Variants in IL12RB1 observed in about 807,000 individuals in gnomAD.
IL12RB1 encodes the protein interleukin 12 receptor subunit beta 1.
In IL12RB1, 64 loss-of-function variants were observed where a neutral mutation model predicts 94.4. The observed-to-expected ratio is 0.68, with a 90% CI of 0.55 to 0.83. IL12RB1 has a LOEUF of 0.83. Ranked by LOEUF, IL12RB1 falls within the 40% of genes least tolerant of loss-of-function variation. IL12RB1 has a pLI of 0.00. For missense variants in IL12RB1, 814 were observed against 855.6 expected (o/e 0.95, Z 0.61); for synonymous variants, 362 against 355.5 (o/e 1.02, Z -0.21).
chr19:18,073,788 T>G (rs2035249340), intron 7 of IL12RB1, among the ~76,000 whole-genome samples, 189 bp from the exon 8 acceptor site: 1 of 152,232 alleles, frequency 6.6e-6, no homozygotes, highest in Non-Finnish European at 1.5e-5. Flanking sequence ...AACTGCCACC[T>G]GTAATCTCAT....
chr19:18,079,262 C>G (rs996624945), intron 4 of IL12RB1, among the ~76,000 whole-genome samples: 1 of 151,872 alleles, frequency 6.6e-6, no homozygotes, highest in Non-Finnish European at 1.5e-5. Flanking sequence ...CGCCACCACA[C>G]TCGGCTAATT....
intron 9 of IL12RB1, chr19:18,070,534 T>C: frequency 1.0e-6 from 1 of 985,430 alleles, no homozygotes; most frequent in Non-Finnish European, 1.2e-6. Context: ...TTCATGAATG[T>C]CAGAGAGATG....
chr19:18,077,708 A>G (rs1417516622), intron 4 of IL12RB1, 53 bp from the exon 5 acceptor site: 1 of 1,186,162 alleles, frequency 8.4e-7, no homozygotes, highest in East Asian at 2.3e-5. Context: ...ATGTGAGTTA[A>G]TGGGCCCTGA....
intron 4 of IL12RB1, among the ~76,000 whole-genome samples, chr19:18,079,496 C>A (rs1448564057): frequency 6.6e-6 from 1 of 152,102 alleles, no homozygotes; most frequent in Non-Finnish European, 1.5e-5. Flanking sequence ...ATTTGTGCTG[C>A]GTAACTACAA....
chr19:18,093,562 C>G (rs1195697691), intron 1 of IL12RB1, among the ~76,000 whole-genome samples: 1 of 152,066 alleles, frequency 6.6e-6, no homozygotes, highest in Non-Finnish European at 1.5e-5. Flanking sequence ...ACATGCCCAA[C>G]CCAACCCTGG....
In IL12RB1 at chr19:18,066,010, G is replaced by A. The variant is rs187377388; in HGVS notation, c.1483+532C>T. 5.4e-5 allele frequency among the ~76,000 whole-genome samples: 8 copies of A among 149,110 alleles called. No individual in the cohort carries two copies. In the East Asian group the frequency reaches 1.6e-3, roughly 29 times the overall value. Reference sequence around the variant, plus strand: ...GCTATGATGGCACCACTGCACTCCAGCCTGGGCACAGAGTGAGTCCCTGTC... The same window carrying A: ...GCTATGATGGCACCACTGCACTCCAACCTGGGCACAGAGTGAGTCCCTGTC... On this transcript the variant is annotated intron_variant, in intron 12 of 16. Transcript: ENST00000593993.
At chr19:18,074,956 G>A (rs1328670286) in intron 7 of IL12RB1, among the ~76,000 whole-genome samples, 3 of 151,826 alleles carry the variant, frequency 2.0e-5, no homozygotes, top group Admixed American at 2.0e-4. Flanking sequence ...GGAGGCTGAG[G>A]CAGGACAATG....
chr19:18,097,806 G>A lies in IL12RB1; in HGVS notation c.-230+949C>T, dbSNP rs1261071718. 9 of 1,225,130 alleles carry A rather than the reference G, an allele frequency of 7.3e-6. No homozygotes were observed. The highest frequency in any genetic ancestry group is 4.1e-5 in the South Asian group (1 of 24,356). 75.9% of individuals were successfully genotyped at this position (1,225,130 alleles called of 1,614,324 possible). On this transcript the variant is annotated intron_variant, in intron 1 of 4. Transcript: ENST00000594176. ...GACTCCCGGGCCATGGACGAGTCGA[G>A]CCTCCTGCGGCGCCGCGGGCTCCAG...
At chr19:18,079,703 A>C (rs2035743116) in intron 4 of IL12RB1, among the ~76,000 whole-genome samples, 1 of 151,704 alleles carries the variant, frequency 6.6e-6, no homozygotes, top group Non-Finnish European at 1.5e-5. Context: ...AGGTCAGGAG[A>C]TCGAGACCAC....
intron 1 of IL12RB1, among the ~76,000 whole-genome samples, 156 bp from the exon 2 acceptor site, chr19:18,083,647 G>A (rs1274660986): frequency 8.2e-6 from 1 of 121,608 alleles, no homozygotes; most frequent in African/African-American, 3.2e-5. Context: ...CCATCCATCT[G>A]CCCATGTATT....
In IL12RB1 at chr19:18,075,885, C is replaced by T. The variant is rs370354493; in HGVS notation, c.581-17G>A. On this transcript the variant is annotated splice_polypyrimidine_tract_variant and intron_variant, in intron 6 of 16. Transcript: ENST00000593993. ...GGCAGGACTCTGGGGAGAGGCAGGTCGAACATCAGGCCGTAAGAATTGTCC... is the reference window on the plus strand; with the variant it reads ...GGCAGGACTCTGGGGAGAGGCAGGTTGAACATCAGGCCGTAAGAATTGTCC... 1.7e-4 allele frequency: 269 copies of T among 1,612,072 alleles called. No homozygotes were observed. The highest frequency in any genetic ancestry group is 8.0e-5 in the African/African-American group (6 of 74,858).
At chr19:18,066,103 T>A (rs906393202) in intron 12 of IL12RB1, among the ~76,000 whole-genome samples, 14 of 151,438 alleles carry the variant, frequency 9.2e-5, no homozygotes, top group African/African-American at 2.9e-4. Context: ...TTTTGTTTGT[T>A]TGTTTTCGTT....
At position 18,063,876 on chromosome 19, in the gene IL12RB1, C is replaced by T. The variant is rs754721392; in HGVS notation, c.1618G>A (p.Glu540Lys). 51 of 1,612,796 alleles carry T rather than the reference C, an allele frequency of 3.2e-5. No homozygotes were observed. The highest frequency in any genetic ancestry group is 5.3e-5 in the African/African-American group (4 of 74,898). ...VWSQPQRFSI[E>K]VQVSDWLIFF... ...ACTGGGTCCTACCCCCTCCACTCAC[C>T]GATGCTGAAGCGCTGGGGCTGGCTC... is the stretch of plus-strand genomic sequence containing the variant. Residue 540 changes from glutamate to lysine, a missense_variant and splice_region_variant, in exon 13 of 17, where the codon GAA (glutamate) becomes AAA (lysine). Transcript: ENST00000593993.
At chr19:18,088,036 T>C (rs2036451440), upstream of IL12RB1, among the ~76,000 whole-genome samples, 2 of 152,000 alleles carry the variant, frequency 1.3e-5, no homozygotes. Context: ...GGAGGATCAC[T>C]TGACCCCAGG....
chr19:18,085,647 C>T (rs2146484399), intron 1 of IL12RB1, among the ~76,000 whole-genome samples: 1 of 152,068 alleles, frequency 6.6e-6, no homozygotes, highest in South Asian at 2.1e-4. Flanking sequence ...TCTTGCTCTG[C>T]CACACAGGCT....
Position 18,073,612 on chromosome 19 carries a change from C to T in IL12RB1, c.701-13G>A. Reference sequence around the variant, plus strand: ...TGTGGGGGGTTTTCTGCAATCAGAACCAAACCAACTAGACGAATTGGAAGG... The same window carrying T: ...TGTGGGGGGTTTTCTGCAATCAGAATCAAACCAACTAGACGAATTGGAAGG... On this transcript the variant is annotated splice_polypyrimidine_tract_variant and intron_variant, in intron 7 of 16. Coordinates refer to ENST00000593993, the MANE Select transcript of IL12RB1 (RefSeq NM_005535.3). 1 of 1,547,024 alleles carries T rather than the reference C, an allele frequency of 6.5e-7. No homozygotes were observed. The highest frequency in any genetic ancestry group is 8.9e-7 in the Non-Finnish European group (1 of 1,119,684).
Position 18,082,212 on chromosome 19 carries a change from A to C in IL12RB1, c.177T>G (p.Arg59=), listed in dbSNP as rs1380875061. Residue 59 remains arginine (R), a synonymous_variant, in exon 3 of 17, where the codon CGT becomes CGG. Transcript: ENST00000593993. ...CCTCATACTGCCAGGAGCACTCGTA[A>C]CGATCACTGGATATCCGATAGCATC... The part of the protein sequence containing the change: ...DLRCYRISSD[R]YECSWQYEGP... 6.2e-7 allele frequency: 1 copy of C among 1,613,974 alleles called. No homozygotes were observed. The highest frequency in any genetic ancestry group is 8.5e-7 in the Non-Finnish European group (1 of 1,179,906).
intron 1 of IL12RB1, among the ~76,000 whole-genome samples, chr19:18,085,345 A>T (rs974567159): frequency 3.1e-5 from 1 of 32,154 alleles, no homozygotes; most frequent in Non-Finnish European, 6.2e-5. Context: ...CCACCCACCC[A>T]CCCACCCCTG....
rs771250186 is a variant in IL12RB1, at chr19:18,073,520, C to T, written c.780G>A (p.Glu260=). The T allele has an allele frequency of 3.0e-5, 48 of 1,601,582 alleles. No homozygotes were observed. The highest frequency in any genetic ancestry group is 3.9e-5 in the Non-Finnish European group (45 of 1,168,632). Residue 260 remains glutamate, a synonymous_variant, in exon 8 of 17, where the codon GAG becomes GAA. Transcript: ENST00000593993. Reference sequence around the variant, plus strand: ...AGCCCTGTGACAGCCCCGTTACCTGCTCTTTCAGGGTCAGCCGCCTCCTCC... The same window carrying T: ...AGCCCTGTGACAGCCCCGTTACCTGTTCTTTCAGGGTCAGCCGCCTCCTCC... ...QDGRRRLTLK[E]QPTQLELPEG...
Sources: gnomAD v4.1 joint callset for allele counts (sites outside exome capture counted in the v4.1 genomes callset) on GRCh38, gnomAD v4.1.1 for gene constraint, MANE v1.5 for transcripts, NCBI Gene and HGNC (gene_info 2026-07-23, HGNC 2026-07-21) for gene names.